Variants in CDC20 observed in about 807,000 individuals in gnomAD.
The protein encoded by CDC20 is cell division cycle 20, also known as cell division cycle protein 20 homolog.
Under a neutral mutation model 60.0 loss-of-function variants are expected in CDC20, and 34 were observed. That is an observed-to-expected ratio of 0.57 (90% CI 0.43 to 0.75). The LOEUF (loss-of-function observed/expected upper bound fraction) is 0.75, where lower values mean the gene tolerates loss of function less well. Among genes scored for constraint, CDC20 ranks in the 30% least tolerant of loss-of-function variants. The pLI is 0.00. For synonymous variants in CDC20, 198 were observed against 243.5 expected, an observed-to-expected ratio of 0.81 and a Z score of 1.74; for missense variants, 469 against 647.3, an observed-to-expected ratio of 0.72 and a Z score of 2.99.
In CDC20 at chr1:43,362,181, G is replaced by T. The variant is rs2153922568; in HGVS notation, c.1204-14G>T. ...TTGGCTATATGTCATGCCCACACCA[G>T]CTCCTCTCCACAGGTGTGCTCCATC... is the stretch of plus-strand genomic sequence containing the variant. On this transcript the variant is annotated splice_polypyrimidine_tract_variant and intron_variant, in intron 9 of 10. Coordinates refer to ENST00000310955, the MANE Select transcript of CDC20 (RefSeq NM_001255.3). The T allele has an allele frequency of 6.5e-7, 1 of 1,548,800 alleles. No individual in the cohort carries two copies.
chr1:43,359,784 C>T lies in CDC20; in HGVS notation c.390C>T (p.Ile130=), dbSNP rs775827806. ...LNGFDVEEAK[I]LRLSGKPQNA... ...GTTTTGATGTAGAGGAAGCCAAGAT[C>T]CTTCGGCTCAGTGGAAAACCACAAA... Residue 130 remains isoleucine (I), a synonymous_variant, in exon 4 of 11, where the codon ATC becomes ATT. Transcript: ENST00000310955. 2.5e-6 allele frequency: 4 copies of T among 1,613,810 alleles called. No homozygotes were observed. Among genetic ancestry groups the T allele is most frequent in the Admixed American group, 1.7e-5 (1 of 60,006 alleles).
At chr1:43,362,741 TG>T (rs1263753140) in intron 10 of CDC20, among the ~76,000 whole-genome samples, 3 of 152,160 alleles carry the variant, frequency 2.0e-5, no homozygotes, top group African/African-American at 7.2e-5. Context: ...GGCAAGCACC[TG>T]TAGTCCCAGC....
intron 10 of CDC20, among the ~76,000 whole-genome samples, chr1:43,362,699 C>T (rs1347463565): frequency 6.6e-6 from 1 of 152,112 alleles, no homozygotes; most frequent in Non-Finnish European, 1.5e-5. Flanking sequence ...CCTGTCTCTA[C>T]TAAAAAACAC....
At position 43,360,287 on chromosome 1, in the gene CDC20, G is replaced by C; in HGVS notation, c.651G>C (p.Leu217=). ...YLWSASSGDI[L]QLLQMEQPGE... is the part of the protein sequence containing the mutation. ...GGAGTGCAAGCTCTGGTGACATCCTGCAGCTTTTGCAAATGGAGCAGCCTG... is the reference window on the plus strand; with the variant it reads ...GGAGTGCAAGCTCTGGTGACATCCTCCAGCTTTTGCAAATGGAGCAGCCTG... The change falls in exon 6 of 11, where the codon CTG becomes CTC. Residue 217 remains leucine (L), a synonymous_variant. Transcript: ENST00000310955. 6.2e-7 allele frequency: 1 copy of C among 1,614,194 alleles called. No individual in the cohort carries two copies. The highest frequency in any genetic ancestry group is 8.5e-7 in the Non-Finnish European group (1 of 1,180,008).
At chr1:43,362,138 G>C (rs2153922564) in intron 9 of CDC20, 57 bp from the exon 10 acceptor site, 1 of 1,021,786 alleles carries the variant, frequency 9.8e-7, no homozygotes, top group East Asian at 2.4e-5. Flanking sequence ...AATGGGCTCA[G>C]TTCTGATTTA....
At chr1:43,362,571 A>G (rs966608944) in intron 10 of CDC20, among the ~76,000 whole-genome samples, 11 of 152,220 alleles carry the variant, frequency 7.2e-5, no homozygotes, top group African/African-American at 2.7e-4. Flanking sequence ...ACCATTGAAA[A>G]AAAAGGGAGG....
In CDC20 at chr1:43,359,171, C is replaced by T. The variant is rs1182526616; in HGVS notation, c.-45C>T. On this transcript the variant is annotated 5_prime_UTR_variant, in exon 2 of 11. Transcript: ENST00000310955. ...CCGTCGCCTCCTTTCCTCCAGGGCT[C>T]CGTAGGCACCAACTGCAAGGACCCC... is the stretch of plus-strand genomic sequence containing the variant. The T allele has an allele frequency of 2.5e-6, 4 of 1,603,260 alleles. No individual in the cohort carries two copies. The highest frequency in any genetic ancestry group is 3.4e-6 in the Non-Finnish European group (4 of 1,172,806).
Position 43,361,263 on chromosome 1 carries a change from C to G in CDC20, c.1203+18C>G. The G allele has an allele frequency of 6.4e-7, 1 of 1,566,422 alleles. No homozygotes were observed. Among genetic ancestry groups the G allele is most frequent in the Non-Finnish European group, 8.7e-7 (1 of 1,155,372 alleles). ...ATTCCCAGGTAATCTTTTGCCTGTT[C>G]CTGCCTCTCCCACATGCATTCTTAC... On this transcript the variant is annotated intron_variant, in intron 9 of 10. Coordinates refer to ENST00000310955, the MANE Select transcript of CDC20 (RefSeq NM_001255.3).
intron 6 of CDC20, 38 bp from the exon 7 acceptor site, chr1:43,360,461 A>T (rs1647167401): frequency 6.2e-7 from 1 of 1,609,932 alleles, no homozygotes; most frequent in African/African-American, 1.3e-5. Flanking sequence ...ATTAATGCCA[A>T]GTCCCAATCT....
At chr1:43,362,069 T>C (rs1480735524) in intron 9 of CDC20, 126 bp from the exon 10 acceptor site, 1 of 598,904 alleles carries the variant, frequency 1.7e-6, no homozygotes, top group African/African-American at 1.8e-5. Context: ...GGAACTTTTG[T>C]ATGGACTATG....
chr1:43,362,822 G>C (rs935394299), intron 10 of CDC20, 129 bp from the exon 11 acceptor site: 1 of 674,960 alleles, frequency 1.5e-6, no homozygotes, highest in African/African-American at 1.9e-5. Context: ...CCAAGATTGC[G>C]CCACTGCACT....
At chr1:43,362,928 T>C (rs202143853) in intron 10 of CDC20, 23 bp from the exon 11 acceptor site, 116 of 1,557,354 alleles carry the variant, frequency 7.4e-5, no homozygotes, top group Non-Finnish European at 9.8e-5. Flanking sequence ...AGCATTCGTA[T>C]GTACTGTTCT....
chr1:43,360,815 G>C lies in CDC20; in HGVS notation c.931G>C (p.Glu311Gln), dbSNP rs767199661. Residue 311 changes from glutamate (E) to glutamine (Q), a missense_variant, in exon 8 of 11, where the codon GAA becomes CAA. This residue lies in a region of CDC20 where 255 missense variants were observed against 326.7 expected (regional missense o/e 0.78). Coordinates refer to ENST00000310955, the MANE Select transcript of CDC20 (RefSeq NM_001255.3). Reference protein sequence around the residue: ...HVATLSGHSQEVCGLRWAPDG... With the variant: ...HVATLSGHSQQVCGLRWAPDG... ...GGCCACACTGAGTGGCCACAGCCAG[G>C]AAGTGTGTGGGCTGCGCTGGGCCCC... 2 of 1,614,144 alleles carry C rather than the reference G, an allele frequency of 1.2e-6. No homozygotes were observed. The highest frequency in any genetic ancestry group is 2.2e-5 in the South Asian group (2 of 91,084).
Position 43,359,837 on chromosome 1 carries a change from C to T in CDC20, c.427+16C>T, listed in dbSNP as rs376865964. On this transcript the variant is annotated intron_variant, in intron 4 of 10. Coordinates refer to ENST00000310955, the MANE Select transcript of CDC20 (RefSeq NM_001255.3). ...GCGCCAGAGGGTAAGACCCGAAGTT[C>T]CTGGTTCCTGGAGGGAGGTGTCAGT... 6.2e-7 allele frequency: 1 copy of T among 1,613,088 alleles called. No individual in the cohort carries two copies. The highest frequency in any genetic ancestry group is 8.5e-7 in the Non-Finnish European group (1 of 1,179,426).
At position 43,359,197 on chromosome 1, in the gene CDC20, T is replaced by C; in HGVS notation, c.-19T>C. The C allele has an allele frequency of 6.2e-7, 1 of 1,610,752 alleles. No homozygotes were observed. Among genetic ancestry groups the C allele is most frequent in the Non-Finnish European group, 8.5e-7 (1 of 1,179,334 alleles). ...CGTAGGCACCAACTGCAAGGACCCCTCCCCCTGCGGGCGCTCCCATGGCAC... is the reference window on the plus strand; with the variant it reads ...CGTAGGCACCAACTGCAAGGACCCCCCCCCCTGCGGGCGCTCCCATGGCAC... On this transcript the variant is annotated 5_prime_UTR_variant, in exon 2 of 11. Transcript: ENST00000310955.
rs1647161408 is a variant in CDC20 at position 43,359,641 on chromosome 1, A to T, written c.330+3A>T. On this transcript the variant is annotated splice_donor_region_variant and intron_variant, in intron 3 of 10. Transcript: ENST00000310955. ...ACAGCCAGACGCCCACCAAGAAGGT[A>T]TGTGTCCCAGAGGGGCTTAAGGCAC... is the stretch of plus-strand genomic sequence containing the variant. 6.2e-7 allele frequency: 1 copy of T among 1,613,822 alleles called. No homozygotes were observed. The highest frequency in any genetic ancestry group is 8.5e-7 in the Non-Finnish European group (1 of 1,180,028).
At chr1:43,359,880 C>A in intron 4 of CDC20, 59 bp downstream of exon 4, 1 of 1,606,106 alleles carries the variant, frequency 6.2e-7, no homozygotes, top group Non-Finnish European at 8.5e-7. Flanking sequence ...CAGGGCTGAG[C>A]ACAGATATCT....
Position 43,359,514 on chromosome 1 carries a change from C to T in CDC20, c.206C>T (p.Thr69Ile). 6.2e-7 allele frequency: 1 copy of T among 1,614,156 alleles called. No homozygotes were observed. The highest frequency in any genetic ancestry group is 1.1e-5 in the South Asian group (1 of 91,084). ...GGCAAATCCAGTTCCAAGGTTCAGA[C>T]CACTCCTAGCAAACCTGGCGGTGAC... ...TPGKSSSKVQ[T>I]TPSKPGGDRY... Residue 69 changes from threonine to isoleucine, a missense_variant, in exon 3 of 11, where the codon ACC (threonine) becomes ATC (isoleucine). Thr to Ile is a moderately conservative substitution (Grantham distance 89). Transcript: ENST00000310955.
intron 6 of CDC20, 53 bp downstream of exon 6, chr1:43,360,442 C>T (rs1368631072): frequency 6.2e-7 from 1 of 1,607,738 alleles, no homozygotes; most frequent in African/African-American, 1.3e-5. Context: ...GCTTGCACAG[C>T]TGGAGGATAT....
Sources: allele counts gnomAD v4.1 joint callset (sites outside exome capture counted in the v4.1 genomes callset), GRCh38; gene constraint gnomAD v4.1.1; regional missense constraint gnomAD v4.1.1; transcripts MANE v1.5; gene names NCBI Gene and HGNC (gene_info 2026-07-23, HGNC 2026-07-21).